KRTAP5-1: variants seen among roughly 807,000 people sequenced by gnomAD.
KRTAP5-1 encodes keratin associated protein 5-1.
Under a neutral mutation model 1.1 loss-of-function variants are expected in KRTAP5-1, and 1 was observed. The observed-to-expected ratio is 0.90, with a 90% CI of 0.32 to 4.26. The LOEUF is 4.26. Among genes scored for constraint, KRTAP5-1 ranks in the 30% most tolerant of loss-of-function variants. The pLI, the probability that KRTAP5-1 is intolerant of heterozygous loss-of-function variation, is 0.17. For synonymous variants in KRTAP5-1, 105 were observed against 141.6 expected (o/e 0.74, Z 1.84); for missense variants, 302 against 349.7 (o/e 0.86, Z 1.09).
At position 1,585,114 on chromosome 11, in the gene KRTAP5-1, C is replaced by T. The variant is rs201611235; in HGVS notation, c.136G>A (p.Val46Ile). The T allele has an allele frequency of 2.9e-5, 47 of 1,609,430 alleles. No homozygotes were observed. The highest frequency in any genetic ancestry group is 1.9e-4 in the Middle Eastern group (1 of 5,328). Residue 46 changes from valine to isoleucine, a missense_variant, in exon 1 of 1, where the codon GTC becomes ATC. Transcript: ENST00000382171. ...GGSGSSCCVP[V>I]CCCKPVCCRV... Reference sequence around the variant, plus strand: ...CAGCACACGGGCTTGCAGCAGCAGACGGGCACACAGCAGCTGGAGCCAGAA... The same window carrying T: ...CAGCACACGGGCTTGCAGCAGCAGATGGGCACACAGCAGCTGGAGCCAGAA...
chr11:1,584,518 G>A lies in KRTAP5-1; in HGVS notation c.732C>T (p.Cys244=). 1 of 1,613,994 alleles carries A rather than the reference G, an allele frequency of 6.2e-7. No homozygotes were observed. Among genetic ancestry groups the A allele is most frequent in the Non-Finnish European group, 8.5e-7 (1 of 1,179,954 alleles). ...AGGATGACCCACAGCCTGAGGAACA[G>A]CAGCAGGGCTTACAGCAACTGCACT... ...CSQCSCCKPC[C]CSSGCGSSCC... The change falls in exon 1 of 1, where the codon TGC becomes TGT. Residue 244 remains cysteine (C), a synonymous_variant. Transcript: ENST00000382171.
At position 1,585,197 on chromosome 11, in the gene KRTAP5-1, C is replaced by T; in HGVS notation, c.53G>A (p.Gly18Asp). 2 of 1,612,590 alleles carry T rather than the reference C, an allele frequency of 1.2e-6. No homozygotes were observed. Among genetic ancestry groups the T allele is most frequent in the Non-Finnish European group, 1.7e-6 (2 of 1,179,890 alleles). ...GGCGSSCGGC[G>D]SGCGGCGSGC... ...GGAGCCACAGCCCCCACAGCCGGAG[C>T]CACAGCCCCCACAGCTGGAGCCACA... Residue 18 changes from glycine to aspartate, a missense_variant, in exon 1 of 1, where the codon GGC (glycine) becomes GAC (aspartate). This residue lies in a region of KRTAP5-1 where 165 missense variants were observed against 235.8 expected (regional missense o/e 0.70). Transcript: ENST00000382171.
At position 1,584,364 on chromosome 11, in the gene KRTAP5-1, G is replaced by A; in HGVS notation, c.*49C>T. 6.3e-7 allele frequency: 1 copy of A among 1,598,874 alleles called. No individual in the cohort carries two copies. Among genetic ancestry groups the A allele is most frequent in the Non-Finnish European group, 8.6e-7 (1 of 1,168,486 alleles). ...CTGGGTGCCAGGAAAAGGAGGTAAAGGCTGGGCAGGAATGCCTGGCCATGG... is the reference window on the plus strand; with the variant it reads ...CTGGGTGCCAGGAAAAGGAGGTAAAAGCTGGGCAGGAATGCCTGGCCATGG... On this transcript the variant is annotated 3_prime_UTR_variant, in exon 1 of 1. Coordinates refer to ENST00000382171, the MANE Select transcript of KRTAP5-1 (RefSeq NM_001005922.1).
At position 1,585,090 on chromosome 11, in the gene KRTAP5-1, A is replaced by G. The variant is rs201456453; in HGVS notation, c.160T>C (p.Cys54Arg). Residue 54 changes from cysteine (C) to arginine (R), a missense_variant, in exon 1 of 1, where the codon TGC (cysteine) becomes CGC (arginine). This residue lies in a region of KRTAP5-1 where 165 missense variants were observed against 235.8 expected (regional missense o/e 0.70). Coordinates refer to ENST00000382171, the MANE Select transcript of KRTAP5-1 (RefSeq NM_001005922.1). ...GAGCAGGAACAGGTTGGCACACGGC[A>G]GCACACGGGCTTGCAGCAGCAGACG... ...VPVCCCKPVCCRVPTCSCSSC... is the reference protein window; with the variant it reads ...VPVCCCKPVCRRVPTCSCSSC... 1.9e-6 allele frequency: 3 copies of G among 1,606,554 alleles called. No homozygotes were observed. The highest frequency in any genetic ancestry group is 2.3e-5 in the East Asian group (1 of 44,364).
In KRTAP5-1 at chr11:1,584,954, C is replaced by A; in HGVS notation, c.296G>T (p.Cys99Phe). ...CGSCGGSKGG[C>F]GSCGGSKGGC... is the part of the protein sequence containing the mutation. ...CCCCTTGGAGCCCCCACAGGAGCCA[C>A]AACCCCCCTTGGATCCCCCACAAGA... Residue 99 changes from cysteine to phenylalanine, a missense_variant, in exon 1 of 1, where the codon TGT (cysteine) becomes TTT (phenylalanine). By Grantham distance (205) the Cys-to-Phe change is radical. Coordinates refer to ENST00000382171, the MANE Select transcript of KRTAP5-1 (RefSeq NM_001005922.1). 2.3e-6 allele frequency: 3 copies of A among 1,313,894 alleles called. No individual in the cohort carries two copies. The highest frequency in any genetic ancestry group is 3.0e-6 in the Non-Finnish European group (3 of 1,008,782). The allele number at this position is 1,313,894 out of a possible 1,614,324, so 81.4% of individuals were successfully genotyped here. A position where few individuals can be genotyped will look rare whatever the true frequency, so the allele number is the denominator to read the frequency against.
rs1427441113 is a variant in KRTAP5-1 at position 1,584,356 on chromosome 11, G to A, written c.*57C>T. On this transcript the variant is annotated 3_prime_UTR_variant, in exon 1 of 1. Transcript: ENST00000382171. ...CTGGCTCACTGGGTGCCAGGAAAAG[G>A]AGGTAAAGGCTGGGCAGGAATGCCT... 6 of 1,580,262 alleles carry A rather than the reference G, an allele frequency of 3.8e-6. No homozygotes were observed. Among genetic ancestry groups the A allele is most frequent in the Non-Finnish European group, 5.2e-6 (6 of 1,153,514 alleles).
At position 1,584,347 on chromosome 11, in the gene KRTAP5-1, C is replaced by A; in HGVS notation, c.*66G>T. The A allele has an allele frequency of 6.4e-7, 1 of 1,559,462 alleles. No homozygotes were observed. The highest frequency in any genetic ancestry group is 8.8e-7 in the Non-Finnish European group (1 of 1,137,546). ...AAGGAGAGTCTGGCTCACTGGGTGC[C>A]AGGAAAAGGAGGTAAAGGCTGGGCA... On this transcript the variant is annotated 3_prime_UTR_variant, in exon 1 of 1. Coordinates refer to ENST00000382171, the MANE Select transcript of KRTAP5-1 (RefSeq NM_001005922.1).
chr11:1,584,359 G>T lies in KRTAP5-1; in HGVS notation c.*54C>A. ...GCTCACTGGGTGCCAGGAAAAGGAG[G>T]TAAAGGCTGGGCAGGAATGCCTGGC... On this transcript the variant is annotated 3_prime_UTR_variant, in exon 1 of 1. Transcript: ENST00000382171. 1.3e-6 allele frequency: 2 copies of T among 1,591,150 alleles called. No homozygotes were observed. The highest frequency in any genetic ancestry group is 8.6e-7 in the Non-Finnish European group (1 of 1,162,756).
rs1849107717 is a variant in KRTAP5-1 at position 1,584,359 on chromosome 11, G to A, written c.*54C>T. ...GCTCACTGGGTGCCAGGAAAAGGAGGTAAAGGCTGGGCAGGAATGCCTGGC... is the reference window on the plus strand; with the variant it reads ...GCTCACTGGGTGCCAGGAAAAGGAGATAAAGGCTGGGCAGGAATGCCTGGC... On this transcript the variant is annotated 3_prime_UTR_variant, in exon 1 of 1. Coordinates refer to ENST00000382171, the MANE Select transcript of KRTAP5-1 (RefSeq NM_001005922.1). 6.3e-7 allele frequency: 1 copy of A among 1,591,032 alleles called. No individual in the cohort carries two copies. Among genetic ancestry groups the A allele is most frequent in the Admixed American group, 1.7e-5 (1 of 59,650 alleles).
chr11:1,584,771 C>T lies in KRTAP5-1; in HGVS notation c.479G>A (p.Cys160Tyr), dbSNP rs774192175. 3.8e-6 allele frequency: 6 copies of T among 1,590,174 alleles called. No homozygotes were observed. In the African/African-American group the frequency reaches 5.7e-5, roughly 15 times the overall value. ...ACCACAGGCCCCCTTGGAGCACCCA[C>T]AGGAGCCACAGCCCCCTTTGCCACA... is the stretch of plus-strand genomic sequence containing the variant. ...SSCGKGGCGS[C>Y]GCSKGACGSC... The change falls in exon 1 of 1, where the codon TGT becomes TAT. Residue 160 changes from cysteine to tyrosine, a missense_variant. Physicochemically the swap from Cys to Tyr is radical, Grantham distance 194. This residue lies in a region of KRTAP5-1 where 165 missense variants were observed against 235.8 expected (regional missense o/e 0.70). Transcript: ENST00000382171.
In KRTAP5-1 at chr11:1,585,006, AGGAGCCACAGCCCCCCTT is replaced by A. The variant is rs769578791; in HGVS notation, c.226_243del (p.Lys76_Ser81del). On this transcript the variant is annotated inframe_deletion, in exon 1 of 1. Coordinates refer to ENST00000382171, the MANE Select transcript of KRTAP5-1 (RefSeq NM_001005922.1). ...CCACAGCCCCCCTTGCAGCCTCCAC[AGGAGCCACAGCCCCCCTT>A]GGAGCCCCCAGAAGAGCCACAGCCC... 1.6e-5 allele frequency: 21 copies of A among 1,317,896 alleles called. No homozygotes were observed. The highest frequency in any genetic ancestry group is 2.0e-5 in the Non-Finnish European group (20 of 999,570). The allele number at this position is 1,317,896 out of a possible 1,614,324, so 81.6% of individuals were successfully genotyped here. A position where few individuals can be genotyped will look rare whatever the true frequency, so the allele number is the denominator to read the frequency against.
At position 1,585,135 on chromosome 11, in the gene KRTAP5-1, C is replaced by T. The variant is rs373420924; in HGVS notation, c.115G>A (p.Gly39Ser). 1.9e-6 allele frequency: 3 copies of T among 1,610,016 alleles called. No individual in the cohort carries two copies. The African/African-American group carries it at 4.1e-5, about 22-fold the overall frequency. Residue 39 changes from glycine to serine, a missense_variant, in exon 1 of 1, where the codon GGC becomes AGC. Coordinates refer to ENST00000382171, the MANE Select transcript of KRTAP5-1 (RefSeq NM_001005922.1). ...CAGACGGGCACACAGCAGCTGGAGCCAGAACCTCCACAGCCAGAGCCACAG... is the reference window on the plus strand; with the variant it reads ...CAGACGGGCACACAGCAGCTGGAGCTAGAACCTCCACAGCCAGAGCCACAG... ...GGCGSGCGGS[G>S]SSCCVPVCCC...
rs373008174 is a variant in KRTAP5-1, at chr11:1,584,617, G to C, written c.633C>G (p.Pro211=). The C allele has an allele frequency of 4.3e-6, 7 of 1,610,686 alleles. No individual in the cohort carries two copies. Among genetic ancestry groups the C allele is most frequent in the East Asian group, 4.5e-5 (2 of 44,732 alleles). Residue 211 remains proline (P), a synonymous_variant, in exon 1 of 1, where the codon CCC becomes CCG. Transcript: ENST00000382171. ...CGGCGSGCGV[P]VCCCSCSSCG... is the part of the protein sequence containing the mutation. ...AACTGGAACAGGAACAGCAACACAC[G>C]GGCACACCGCAGCCGGAGCCACAGC...
rs558829556 is a variant in KRTAP5-1, at chr11:1,584,798, C to T, written c.452G>A (p.Ser151Asn). Residue 151 changes from serine (S) to asparagine (N), a missense_variant, in exon 1 of 1, where the codon AGC becomes AAC. Ser to Asn is a conservative substitution (Grantham distance 46). This residue lies in a region of KRTAP5-1 where 165 missense variants were observed against 235.8 expected (regional missense o/e 0.70). Transcript: ENST00000382171. The stretch of plus-strand genomic sequence containing the variant: ...GGAGCCACAGCCCCCTTTGCCACAG[C>T]TGGAGCAGGAACAAGCTGGCACACA... ...CCCVPACSCSSCGKGGCGSCG... is the reference protein window; with the variant it reads ...CCCVPACSCSNCGKGGCGSCG... 4.4e-6 allele frequency: 7 copies of T among 1,601,426 alleles called. No homozygotes were observed. The African/African-American group carries it at 9.7e-5, about 22-fold the overall frequency.
Position 1,584,966 on chromosome 11 carries a change from G to T in KRTAP5-1, c.284C>A (p.Ser95Tyr). 2 of 1,266,620 alleles carry T rather than the reference G, an allele frequency of 1.6e-6. 1 individual carries two copies. Among genetic ancestry groups the T allele is most frequent in the East Asian group, 7.4e-5 (2 of 27,196 alleles). The allele number at this position is 1,266,620 out of a possible 1,614,324, so 78.5% of individuals were successfully genotyped here. ...CCCACAGGAGCCACAACCCCCCTTG[G>T]ATCCCCCACAAGAGCCACAGCCCCC... Reference protein sequence around the residue: ...CKGGCGSCGGSKGGCGSCGGS... With the variant: ...CKGGCGSCGGYKGGCGSCGGS... The change falls in exon 1 of 1, where the codon TCC becomes TAC. Residue 95 changes from serine to tyrosine, a missense_variant. Coordinates refer to ENST00000382171, the MANE Select transcript of KRTAP5-1 (RefSeq NM_001005922.1).
In KRTAP5-1 at chr11:1,584,785, C is replaced by A; in HGVS notation, c.465G>T (p.Gly155=). 1 of 1,594,656 alleles carries A rather than the reference C, an allele frequency of 6.3e-7. No homozygotes were observed. The highest frequency in any genetic ancestry group is 1.1e-5 in the South Asian group (1 of 90,232). The stretch of plus-strand genomic sequence containing the variant: ...TGGAGCACCCACAGGAGCCACAGCC[C>A]CCTTTGCCACAGCTGGAGCAGGAAC... The part of the protein sequence containing the change: ...PACSCSSCGK[G]GCGSCGCSKG... Residue 155 remains glycine, a synonymous_variant, in exon 1 of 1, where the codon GGG becomes GGT. Coordinates refer to ENST00000382171, the MANE Select transcript of KRTAP5-1 (RefSeq NM_001005922.1).
Position 1,585,175 on chromosome 11 carries a change from G to A in KRTAP5-1, c.75C>T (p.Gly25=). The change falls in exon 1 of 1, where the codon GGC becomes GGT. Residue 25 remains glycine, a synonymous_variant. Transcript: ENST00000382171. Reference sequence around the variant, plus strand: ...CAGAGCCACAGCCCCCACAGCCGGAGCCACAGCCCCCACAGCCGGAGCCAC... The same window carrying A: ...CAGAGCCACAGCCCCCACAGCCGGAACCACAGCCCCCACAGCCGGAGCCAC... ...GGCGSGCGGC[G]SGCGGCGSGC... is the part of the protein sequence containing the mutation. 6.2e-7 allele frequency: 1 copy of A among 1,610,464 alleles called. No individual in the cohort carries two copies. The highest frequency in any genetic ancestry group is 2.2e-5 in the East Asian group (1 of 44,754).
At position 1,584,810 on chromosome 11, in the gene KRTAP5-1, C is replaced by T; in HGVS notation, c.440G>A (p.Cys147Tyr). 6.2e-7 allele frequency: 1 copy of T among 1,601,650 alleles called. No homozygotes were observed. Among genetic ancestry groups the T allele is most frequent in the Non-Finnish European group, 8.5e-7 (1 of 1,176,214 alleles). ...CCCTTTGCCACAGCTGGAGCAGGAA[C>T]AAGCTGGCACACAGCAGCACATGGG... ...CKPMCCCVPA[C>Y]SCSSCGKGGC... Residue 147 changes from cysteine to tyrosine, a missense_variant, in exon 1 of 1, where the codon TGT becomes TAT. Physicochemically the swap from Cys to Tyr is radical, Grantham distance 194. Transcript: ENST00000382171.
At position 1,584,878 on chromosome 11, in the gene KRTAP5-1, CCCACAGCCGGAA is replaced by C. The variant is rs1564945870; in HGVS notation, c.360_371del (p.Ser121_Gly124del). The C allele has an allele frequency of 6.9e-7, 1 of 1,453,770 alleles. No individual in the cohort carries two copies. Among genetic ancestry groups the C allele is most frequent in the Non-Finnish European group, 9.1e-7 (1 of 1,095,876 alleles). The allele number at this position is 1,453,770 out of a possible 1,614,324, so 90.1% of individuals were successfully genotyped here. A position where few individuals can be genotyped will look rare whatever the true frequency, so the allele number is the denominator to read the frequency against. ...GCACACAGCAGCTGGAGCCACATCCCCCACAGCCGGAACCACAGCCACCCTTGGATCCCCCAC... is the reference window on the plus strand; with the variant it reads ...GCACACAGCAGCTGGAGCCACATCCCCCACAGCCACCCTTGGATCCCCCAC... On this transcript the variant is annotated inframe_deletion, in exon 1 of 1. Transcript: ENST00000382171.
Sources: allele counts gnomAD v4.1 joint callset, GRCh38; gene constraint gnomAD v4.1.1; regional missense constraint gnomAD v4.1.1; transcripts MANE v1.5; gene names NCBI Gene and HGNC (gene_info 2026-07-23, HGNC 2026-07-21).